ERC2: variants seen among roughly 807,000 people sequenced by gnomAD.
The protein encoded by ERC2 is ELKS/RAB6-interacting/CAST family member 2, also known as ERC protein 2.
In ERC2, 42 loss-of-function variants were observed where a neutral mutation model predicts 114.8. The ratio of observed to expected loss-of-function variants is 0.37; its 90% CI spans 0.29 to 0.47. The LOEUF is 0.47. Among genes scored for constraint, ERC2 ranks in the 20% least tolerant of loss-of-function variants. ERC2 has a pLI of 0.99. For missense variants in ERC2, 939 were observed against 1,150.7 expected, an observed-to-expected ratio of 0.82 and a Z score of 2.66; for synonymous variants, 454 against 425.5, an observed-to-expected ratio of 1.07 and a Z score of -0.82.
At chr3:55,676,801 C>T (rs1334405382) in intron 17 of ERC2, among the ~76,000 whole-genome samples, 2 of 152,148 alleles carry the variant, frequency 1.3e-5, no homozygotes, top group Middle Eastern at 3.2e-3. Flanking sequence ...GCTCCCTGTG[C>T]GCCAGCCCTG....
chr3:56,150,650 T>C (rs9824306), intron 4 of ERC2, among the ~76,000 whole-genome samples: 8,731 of 152,204 alleles, frequency 0.057, 288 homozygotes, highest in African/African-American at 0.095. Flanking sequence ...TCATAGAAAA[T>C]GGAGAAAACC....
In ERC2 at chr3:55,806,399, G is replaced by A. The variant is rs1282487132; in HGVS notation, c.2565-71481C>T. ...GAAGAAGAAGAAATGAGAGAGGAGG[G>A]AGCTTGTGATCTGGGCTAGGAAGAG... is the stretch of plus-strand genomic sequence containing the variant. On this transcript the variant is annotated intron_variant, in intron 14 of 17. Coordinates refer to ENST00000288221, the MANE Select transcript of ERC2 (RefSeq NM_015576.3). Among the ~76,000 whole-genome samples the A allele has an allele frequency of 3.8e-4, 57 of 151,534 alleles. 1 individual carries two copies. The highest frequency in any genetic ancestry group is 2.9e-5 in the Non-Finnish European group (2 of 67,896).
At chr3:56,043,250 A>G (rs1250840987) in intron 7 of ERC2, among the ~76,000 whole-genome samples, 2 of 152,218 alleles carry the variant, frequency 1.3e-5, no homozygotes, top group Non-Finnish European at 1.5e-5. Context: ...GTTTTTCAAC[A>G]TTTTGTACTC....
At chr3:56,204,691 T>C (rs1456221527) in intron 3 of ERC2, among the ~76,000 whole-genome samples, 1 of 151,662 alleles carries the variant, frequency 6.6e-6, no homozygotes. Context: ...TTAATAGAGA[T>C]AGGGTTTCAC....
chr3:55,649,530 G>T (rs539921457), intron 17 of ERC2, among the ~76,000 whole-genome samples: 12 of 152,242 alleles, frequency 7.9e-5, no homozygotes, highest in African/African-American at 2.9e-4. Flanking sequence ...AAAGTGCTGG[G>T]ATTACAGGTG....
At chr3:56,185,249 G>GTAT (rs950808843) in intron 3 of ERC2, 1 of 152,168 alleles carries the variant, frequency 6.6e-6, no homozygotes, top group Non-Finnish European at 1.5e-5. Flanking sequence ...GAACCATGGA[G>GTAT]TATTATTCCC....
intron 17 of ERC2, among the ~76,000 whole-genome samples, chr3:55,548,014 G>A (rs1251433403): frequency 6.6e-6 from 1 of 152,242 alleles, no homozygotes; most frequent in East Asian, 1.9e-4. Context: ...GCCCGGAGTT[G>A]AAGATGCCTG....
At chr3:55,950,319 G>T in intron 13 of ERC2, 106 bp downstream of exon 13, 2 of 1,420,982 alleles carry the variant, frequency 1.4e-6, no homozygotes. Flanking sequence ...TCAGGGCAAA[G>T]GCAAAGTCCA....
chr3:56,021,619 A>G (rs1343248628), intron 7 of ERC2, among the ~76,000 whole-genome samples: 1 of 152,046 alleles, frequency 6.6e-6, no homozygotes, highest in Non-Finnish European at 1.5e-5. Context: ...GGTTTGTTAC[A>G]TAAATAAACA....
intron 3 of ERC2, among the ~76,000 whole-genome samples, chr3:56,236,017 T>C (rs1276007771): frequency 5.9e-5 from 9 of 152,202 alleles, no homozygotes; most frequent in Non-Finnish European, 1.2e-4. Flanking sequence ...AACACTCTCC[T>C]GTGGAAGTGA....
intron 1 of ERC2, among the ~76,000 whole-genome samples, chr3:56,438,805 A>G (rs1271269411): frequency 6.6e-6 from 1 of 152,160 alleles, no homozygotes; most frequent in African/African-American, 2.4e-5. Context: ...ACGCACACAG[A>G]TTTAATCCTC....
chr3:56,212,618 GA>G (rs545815998), intron 3 of ERC2, among the ~76,000 whole-genome samples: 103 of 152,254 alleles, frequency 6.8e-4, no homozygotes, highest in Middle Eastern at 3.4e-3. Context: ...CTACCCAGAG[GA>G]AAATAAGTCA....
chr3:56,340,542 A>ATGTGTGTG (rs10690369), intron 2 of ERC2, among the ~76,000 whole-genome samples: 21,053 of 141,312 alleles, frequency 0.15, 1,701 homozygotes, highest in Admixed American at 0.21. Flanking sequence ...GAGAGAGTGA[A>ATGTGTGTG]TGTGTGTGTG....
chr3:55,847,925 A>G (rs984062039), intron 14 of ERC2, among the ~76,000 whole-genome samples: 3 of 152,016 alleles, frequency 2.0e-5, no homozygotes, highest in African/African-American at 7.3e-5. Flanking sequence ...CAGCCTCCCA[A>G]TCAGCTGTAA....
chr3:56,451,186 G>T (rs562049517), intron 1 of ERC2, among the ~76,000 whole-genome samples: 1 of 152,128 alleles, frequency 6.6e-6, no homozygotes, highest in Non-Finnish European at 1.5e-5. Flanking sequence ...ACTAACAGAC[G>T]TTTCTGAGAA....
At chr3:55,835,505 A>G (rs1406900805) in intron 14 of ERC2, among the ~76,000 whole-genome samples, 1 of 152,230 alleles carries the variant, frequency 6.6e-6, no homozygotes, top group Admixed American at 6.5e-5. Flanking sequence ...CAAAAACCAC[A>G]TGATTATCTC....
At chr3:56,029,667 A>G (rs2074259896) in intron 7 of ERC2, among the ~76,000 whole-genome samples, 1 of 151,944 alleles carries the variant, frequency 6.6e-6, no homozygotes, top group Non-Finnish European at 1.5e-5. Flanking sequence ...AGGAACTGTA[A>G]TGATAGCTTC....
chr3:56,456,962 A>G (rs202014090), intron 1 of ERC2, among the ~76,000 whole-genome samples: 3 of 65,478 alleles, frequency 4.6e-5, no homozygotes, highest in Admixed American at 4.6e-4. Flanking sequence ...ATATCGAAGT[A>G]AAGTAAGAGG....
chr3:55,512,330 G>A (rs1259720465), intron 17 of ERC2, among the ~76,000 whole-genome samples: 1 of 152,008 alleles, frequency 6.6e-6, no homozygotes, highest in Non-Finnish European at 1.5e-5. Context: ...AACTTGAATC[G>A]GGGCAAAAAA....
Sources: allele counts gnomAD v4.1 joint callset (sites outside exome capture counted in the v4.1 genomes callset), GRCh38; gene constraint gnomAD v4.1.1; transcripts MANE v1.5; gene names NCBI Gene and HGNC (gene_info 2026-07-23, HGNC 2026-07-21).